EIPR1: variants seen among roughly 807,000 people sequenced by gnomAD.
EIPR1 encodes the protein EARP complex and GARP complex interacting protein 1.
Under a neutral mutation model 48.1 loss-of-function variants are expected in EIPR1, and 25 were observed. The ratio of observed to expected loss-of-function variants is 0.52; its 90% CI spans 0.38 to 0.73. The LOEUF is 0.73. Ranked by LOEUF, EIPR1 falls within the 30% of genes least tolerant of loss-of-function variation. EIPR1 has a pLI of 0.00. For missense variants in EIPR1, 415 were observed against 506.2 expected, an observed-to-expected ratio of 0.82 and a Z score of 1.73; for synonymous variants, 204 against 201.9, an observed-to-expected ratio of 1.01 and a Z score of -0.09.
At chr2:3,299,622 T>TCACACACA (rs574613479) in intron 3 of EIPR1, among the ~76,000 whole-genome samples, 5,014 of 140,690 alleles carry the variant, frequency 0.036, 96 homozygotes, top group Non-Finnish European at 0.045. Flanking sequence ...TCTCTCTCTC[T>TCACACACA]CTCACACACA....
intron 2 of EIPR1, among the ~76,000 whole-genome samples, chr2:3,340,330 G>A (rs1325663221): frequency 6.6e-6 from 1 of 152,208 alleles, no homozygotes; most frequent in Non-Finnish European, 1.5e-5. Flanking sequence ...CCAAGGAGAA[G>A]CCAGATATGG....
chr2:3,225,618 C>G (rs1363258298), intron 4 of EIPR1, among the ~76,000 whole-genome samples: 2 of 152,140 alleles, frequency 1.3e-5, no homozygotes, highest in Non-Finnish European at 2.9e-5. Flanking sequence ...TATCCATCAA[C>G]TCATATAGTT....
chr2:3,309,581 C>T (rs1422103850), intron 3 of EIPR1, among the ~76,000 whole-genome samples: 1 of 152,156 alleles, frequency 6.6e-6, no homozygotes, highest in Non-Finnish European at 1.5e-5. Flanking sequence ...AAACACACAA[C>T]CCAGCTCCAT....
chr2:3,368,427 T>C (rs35441545), intron 1 of EIPR1, among the ~76,000 whole-genome samples: 10,023 of 152,204 alleles, frequency 0.066, 345 homozygotes, highest in African/African-American at 0.074. Context: ...TGGGCTCAAA[T>C]AGGAGTTGGC....
intron 4 of EIPR1, among the ~76,000 whole-genome samples, chr2:3,247,574 C>T (rs1007667259): frequency 4.6e-5 from 7 of 152,202 alleles, no homozygotes; most frequent in African/African-American, 1.7e-4. Flanking sequence ...TTTATCAGGG[C>T]TCCGAAGGGC....
chr2:3,225,111 C>A (rs1046627245), intron 4 of EIPR1, among the ~76,000 whole-genome samples: 2 of 152,172 alleles, frequency 1.3e-5, no homozygotes, highest in African/African-American at 4.8e-5. Flanking sequence ...CCAATCAAAA[C>A]AAATTTGGAA....
rs1034369507 is a variant in EIPR1 at position 3,208,722 on chromosome 2, C to A, written c.516+5427G>T. ...ACACTCGGCGGGTCCTTCTTCCATGCGTGAGGCTCGTGGCGGGTCCTTCTG... is the reference window on the plus strand; with the variant it reads ...ACACTCGGCGGGTCCTTCTTCCATGAGTGAGGCTCGTGGCGGGTCCTTCTG... On this transcript the variant is annotated intron_variant, in intron 5 of 8. Coordinates refer to ENST00000382125, the MANE Select transcript of EIPR1 (RefSeq NM_003310.5). The A allele has an allele frequency of 1.0e-5, 16 of 1,549,042 alleles. No homozygotes were observed. In the African/African-American group the frequency reaches 1.2e-4, roughly 12 times the overall value.
At chr2:3,341,027 G>A (rs1054972364) in intron 2 of EIPR1, among the ~76,000 whole-genome samples, 2 of 149,782 alleles carry the variant, frequency 1.3e-5, no homozygotes, top group East Asian at 2.0e-4. Context: ...AAGCCTGGAG[G>A]GGGAGGTGCA....
intron 3 of EIPR1, among the ~76,000 whole-genome samples, chr2:3,299,937 CG>C (rs1211731882): frequency 6.6e-6 from 1 of 152,136 alleles, no homozygotes; most frequent in African/African-American, 2.4e-5. Flanking sequence ...AAATTTATGA[CG>C]CAAGAGTCAC....
chr2:3,377,597 T>C (rs1380915231), intron 1 of EIPR1, 51 bp downstream of exon 1: 1 of 1,553,444 alleles, frequency 6.4e-7, no homozygotes, highest in Non-Finnish European at 8.7e-7. Context: ...GGACCGCGCA[T>C]GCTATCAACA....
chr2:3,195,371 G>A (rs908218473), intron 6 of EIPR1, among the ~76,000 whole-genome samples: 2 of 152,214 alleles, frequency 1.3e-5, no homozygotes, highest in Non-Finnish European at 2.9e-5. Context: ...GGAAACTTCT[G>A]TGCCTTGTAA....
At chr2:3,259,030 G>C (rs1184725707) in intron 3 of EIPR1, among the ~76,000 whole-genome samples, 3 of 151,986 alleles carry the variant, frequency 2.0e-5, no homozygotes, top group African/African-American at 7.2e-5. Flanking sequence ...TAACCAAAGG[G>C]AAAGTTGGCA....
intron 2 of EIPR1, among the ~76,000 whole-genome samples, chr2:3,351,670 T>C (rs183646054): frequency 5.3e-5 from 8 of 152,330 alleles, no homozygotes; most frequent in Admixed American, 4.6e-4. Flanking sequence ...AAATAAGTAA[T>C]TCCCTTCTTA....
intron 4 of EIPR1, among the ~76,000 whole-genome samples, chr2:3,232,912 A>G (rs895804955): frequency 1.1e-4 from 3 of 26,594 alleles, no homozygotes; most frequent in African/African-American, 1.9e-4. Context: ...CTAAGTGGGC[A>G]TTAAAGAAGT....
At chr2:3,338,587 G>C (rs1031474264) in intron 2 of EIPR1, among the ~76,000 whole-genome samples, 2 of 152,174 alleles carry the variant, frequency 1.3e-5, no homozygotes, top group Non-Finnish European at 2.9e-5. Context: ...GTCTGGGACT[G>C]ACCACGCCTG....
intron 3 of EIPR1, among the ~76,000 whole-genome samples, chr2:3,287,100 C>T (rs1203601426): frequency 6.6e-5 from 10 of 152,212 alleles, no homozygotes; most frequent in African/African-American, 2.4e-4. Flanking sequence ...GGGAGCACAT[C>T]ACACCTAGAC....
At chr2:3,269,528 G>A (rs1312494840) in intron 3 of EIPR1, among the ~76,000 whole-genome samples, 1,568 of 63,730 alleles carry the variant, frequency 0.025, 23 homozygotes, top group Middle Eastern at 0.048. Context: ...CTCAATCATC[G>A]CACTCAGTCA....
At chr2:3,316,678 G>T (rs931069642) in intron 3 of EIPR1, among the ~76,000 whole-genome samples, 24 of 152,210 alleles carry the variant, frequency 1.6e-4, no homozygotes, top group African/African-American at 5.5e-4. Flanking sequence ...ATGAAGCTGT[G>T]TAATTACTAC....
At chr2:3,376,711 G>C (rs1339568677) in intron 1 of EIPR1, among the ~76,000 whole-genome samples, 1 of 146,992 alleles carries the variant, frequency 6.8e-6, no homozygotes, top group Non-Finnish European at 1.5e-5. Context: ...AAAAAAAGCA[G>C]ACATCATTTA....
Sources: allele counts gnomAD v4.1 joint callset (sites outside exome capture counted in the v4.1 genomes callset), GRCh38; gene constraint gnomAD v4.1.1; transcripts MANE v1.5; gene names NCBI Gene and HGNC (gene_info 2026-07-23, HGNC 2026-07-21).